The following BTD variants were observed in gnomAD, a reference collection of about 807,000 sequenced individuals.
BTD encodes the protein biocytinase.
BTD carries 13 observed loss-of-function variants against 17.7 expected under a neutral mutation model. The ratio of observed to expected loss-of-function variants is 0.74; its 90% CI spans 0.48 to 1.17. The LOEUF is 1.17. Among genes scored for constraint, BTD ranks in the 50% most tolerant of loss-of-function variants. The pLI, the probability that BTD is intolerant of heterozygous loss-of-function variation, is 0.00. For synonymous variants in BTD, 240 were observed against 245.2 expected (o/e 0.98, Z 0.20); for missense variants, 674 against 650.4 (o/e 1.04, Z -0.39).
chr3:15,602,377 C>T (rs991307707), intron 1 of BTD: 49 of 952,372 alleles, frequency 5.1e-5, no homozygotes, highest in Non-Finnish European at 6.1e-5. Context: ...TAATATCTTT[C>T]CAAAATTAGG....
At chr3:15,642,689 C>T (rs895212460) in intron 3 of BTD, among the ~76,000 whole-genome samples, 1 of 152,010 alleles carries the variant, frequency 6.6e-6, no homozygotes, top group Admixed American at 6.5e-5. Context: ...GTCTCGATCT[C>T]CTGACCTTGT....
chr3:15,627,231 G>A (rs1158771686), intron 1 of BTD, among the ~76,000 whole-genome samples: 1 of 152,090 alleles, frequency 6.6e-6, no homozygotes, highest in African/African-American at 2.4e-5. Flanking sequence ...CAGAAGCTAC[G>A]GCACCAGGAC....
chr3:15,626,645 C>T (rs576395936), intron 1 of BTD, among the ~76,000 whole-genome samples: 2 of 152,152 alleles, frequency 1.3e-5, no homozygotes, highest in Non-Finnish European at 2.9e-5. Context: ...CACATGGTAG[C>T]ATGCACCTGT....
At chr3:15,615,382 C>T (rs572362007) in intron 1 of BTD, among the ~76,000 whole-genome samples, 3 of 152,296 alleles carry the variant, frequency 2.0e-5, no homozygotes, top group Non-Finnish European at 4.4e-5. Context: ...GGCAGGCAGG[C>T]AGATATTTGT....
At chr3:15,618,508 T>C (rs2064855631) in intron 1 of BTD, among the ~76,000 whole-genome samples, 1 of 152,146 alleles carries the variant, frequency 6.6e-6, no homozygotes, top group South Asian at 2.1e-4. Flanking sequence ...CGAATATAAA[T>C]AGTATTATGG....
intron 3 of BTD, chr3:15,668,285 A>G (rs1446136753): frequency 6.6e-6 from 1 of 152,192 alleles, no homozygotes; most frequent in Non-Finnish European, 1.5e-5. Context: ...AAATTCCCTC[A>G]GGGAATTCAG....
intron 1 of BTD, among the ~76,000 whole-genome samples, chr3:15,617,932 C>G (rs553142172): frequency 6.6e-6 from 1 of 152,220 alleles, no homozygotes; most frequent in East Asian, 1.9e-4. Context: ...CATTCTTGGT[C>G]TTTTACCTCT....
chr3:15,709,784 T>C (rs895183153), intron 3 of BTD: 1 of 1,289,908 alleles, frequency 7.8e-7, no homozygotes, highest in East Asian at 2.5e-5. Context: ...AGTGATTTTA[T>C]AATGAAATTG....
At chr3:15,670,530 G>A in intron 3 of BTD, 1 of 1,613,878 alleles carries the variant, frequency 6.2e-7, no homozygotes, top group Non-Finnish European at 8.5e-7. Flanking sequence ...TCCTTATTGG[G>A]AGCACAGGCC....
At chr3:15,690,749 G>T (rs2062823) in intron 3 of BTD, among the ~76,000 whole-genome samples, 70,471 of 151,778 alleles carry the variant, frequency 0.46, 19,265 homozygotes, top group Non-Finnish European at 0.6. Context: ...TTTAATTTTT[G>T]TAGTGATGAG....
chr3:15,640,447 A>G (rs912338487), intron 2 of BTD, among the ~76,000 whole-genome samples: 32 of 151,206 alleles, frequency 2.1e-4, no homozygotes, highest in Non-Finnish European at 4.0e-4. Flanking sequence ...CTGGAGTGCA[A>G]TGGTGCGATC....
rs1385842904 is a variant in BTD at position 15,635,710 on chromosome 3, T to C, written c.249+22T>C. 6.2e-7 allele frequency: 1 copy of C among 1,613,862 alleles called. No homozygotes were observed. Among genetic ancestry groups the C allele is most frequent in the Non-Finnish European group, 8.5e-7 (1 of 1,179,998 alleles). ...AAAGGCAAGAATGCTCCTCGGAACCTGAGTTTCTCTCATACAGAGCAGATT... is the reference window on the plus strand; with the variant it reads ...AAAGGCAAGAATGCTCCTCGGAACCCGAGTTTCTCTCATACAGAGCAGATT... On this transcript the variant is annotated intron_variant, in intron 2 of 3. Coordinates refer to ENST00000643237, the MANE Select transcript of BTD (RefSeq NM_001370658.1). This position sits in a 1 kb window ranked among gnomAD's most constrained non-coding sequence, Gnocchi z 4.1.
At chr3:15,642,243 C>T in intron 3 of BTD, 186 bp downstream of exon 3, 3 of 1,454,802 alleles carry the variant, frequency 2.1e-6, no homozygotes, top group Non-Finnish European at 2.7e-6. Flanking sequence ...CGTTACAAGG[C>T]AGTTATTCAT....
In BTD at chr3:15,635,090, T is replaced by C. The variant is rs1384940218; in HGVS notation, c.-16-334T>C. Among the ~76,000 whole-genome samples, 1 of 152,222 alleles carries C rather than the reference T, an allele frequency of 6.6e-6. No individual in the cohort carries two copies. Among genetic ancestry groups the C allele is most frequent in the African/African-American group, 2.4e-5 (1 of 41,454 alleles). ...GTCAAATAATCTGGATAGTTACTAC[T>C]GCTTAAAATCTAAGTGCACAGCTAG... On this transcript the variant is annotated intron_variant, in intron 1 of 3. Transcript: ENST00000643237. The surrounding 1 kb of genome is among the most constrained non-coding windows in gnomAD (Gnocchi z 4.1).
rs530751407 is a variant in BTD at position 15,639,973 on chromosome 3, G to A, written c.250-1935G>A. Reference sequence around the variant, plus strand: ...ACAAAATTTAGCCAGGTGTGGTGGCGCATGTCTGTAATCCCAGCTACTCAG... The same window carrying A: ...ACAAAATTTAGCCAGGTGTGGTGGCACATGTCTGTAATCCCAGCTACTCAG... On this transcript the variant is annotated intron_variant, in intron 2 of 3. Transcript: ENST00000643237. 1.1e-4 allele frequency among the ~76,000 whole-genome samples: 16 copies of A among 152,128 alleles called. No individual in the cohort carries two copies. In the South Asian group the frequency reaches 1.7e-3, roughly 16 times the overall value.
chr3:15,687,789 CAAG>C (rs2068311253), intron 3 of BTD, among the ~76,000 whole-genome samples: 1 of 152,142 alleles, frequency 6.6e-6, no homozygotes, highest in Non-Finnish European at 1.5e-5. Flanking sequence ...TGGGGATGTT[CAAG>C]AAGAACTTGT....
chr3:15,707,850 A>C (rs1231632295), intron 3 of BTD: 2 of 1,524,572 alleles, frequency 1.3e-6, no homozygotes, highest in South Asian at 1.3e-5. Context: ...ACAAATTTGC[A>C]ACAAAAACAT....
At chr3:15,711,379 A>C in exon 4 of BTD, 1 of 904,840 alleles carries the variant, frequency 1.1e-6, no homozygotes, top group African/African-American at 1.7e-5. Context: ...ATCCCAAACA[A>C]AACTATGGGT....
chr3:15,610,744 A>G (rs940199636), intron 1 of BTD, among the ~76,000 whole-genome samples: 4 of 152,310 alleles, frequency 2.6e-5, no homozygotes, highest in South Asian at 4.1e-4. Context: ...TGTTTATTAT[A>G]TTAATTTTAA....
Sources: allele counts gnomAD v4.1 joint callset (sites outside exome capture counted in the v4.1 genomes callset), GRCh38; gene constraint gnomAD v4.1.1; non-coding constraint Gnocchi (gnomAD v3.1); transcripts MANE v1.5; gene names NCBI Gene and HGNC (gene_info 2026-07-23, HGNC 2026-07-21).